MRO: variants seen among roughly 807,000 people sequenced by gnomAD.
The protein encoded by MRO is protein maestro.
A neutral mutation model predicts 31.0 loss-of-function variants in MRO; 28 were observed. The observed-to-expected ratio is 0.90, with a 90% CI of 0.67 to 1.24. MRO has a LOEUF of 1.24. Among genes scored for constraint, MRO ranks in the 50% most tolerant of loss-of-function variants. The pLI is 0.00. For missense variants in MRO, 332 were observed against 289.2 expected, an observed-to-expected ratio of 1.15 and a Z score of -1.07; for synonymous variants, 108 against 108.4, an observed-to-expected ratio of 1.00 and a Z score of 0.02.
chr18:50,802,844 A>C (rs1482700089), intron 5 of MRO, among the ~76,000 whole-genome samples: 1 of 151,816 alleles, frequency 6.6e-6, no homozygotes. Context: ...ACAGGCACAC[A>C]CCACCATGCC....
chr18:50,801,252 G>T, intron 6 of MRO, 97 bp downstream of exon 6: 1 of 1,090,530 alleles, frequency 9.2e-7, no homozygotes, highest in Non-Finnish European at 1.3e-6. Context: ...CTACAGCAGT[G>T]CTGGCAGGAA....
At chr18:50,823,325 C>T (rs55872440), upstream of MRO, among the ~76,000 whole-genome samples, 20,639 of 152,188 alleles carry the variant, frequency 0.14, 1,392 homozygotes, top group Middle Eastern at 0.16. Context: ...GCAATAGATG[C>T]TGCAGGAAGA....
At chr18:50,807,212 ACT>A (rs1261484652) in intron 3 of MRO, among the ~76,000 whole-genome samples, 1 of 151,764 alleles carries the variant, frequency 6.6e-6, no homozygotes, top group African/African-American at 2.4e-5. Context: ...GTGTGCCGTT[ACT>A]CCTCAAAGAG....
At chr18:50,810,901 G>A (rs1914420835) in intron 2 of MRO, among the ~76,000 whole-genome samples, 1 of 152,096 alleles carries the variant, frequency 6.6e-6, no homozygotes. Flanking sequence ...ACAACGTGCA[G>A]GTTTGTTGCA....
rs1442456820 is a variant in MRO at position 50,797,582 on chromosome 18, A to T, written c.*1755T>A. The T allele has an allele frequency of 6.6e-6, 1 of 152,208 alleles. No homozygotes were observed. Among genetic ancestry groups the T allele is most frequent in the East Asian group, 1.9e-4 (1 of 5,198 alleles). The allele number at this position is 152,208 out of a possible 1,614,324, so 9.4% of individuals were successfully genotyped here. A position where few individuals can be genotyped will look rare whatever the true frequency, so the allele number is the denominator to read the frequency against. On this transcript the variant is annotated 3_prime_UTR_variant, in exon 8 of 8. Coordinates refer to ENST00000398439, the MANE Select transcript of MRO (RefSeq NM_031939.6). Reference sequence around the variant, plus strand: ...TAACCGACAGAGGGACATTAACTGCATAGGTTTTTCTACTCCAGAGCACGT... The same window carrying T: ...TAACCGACAGAGGGACATTAACTGCTTAGGTTTTTCTACTCCAGAGCACGT...
intron 7 of MRO, 129 bp from the exon 8 acceptor site, chr18:50,799,519 C>T (rs1030283425): frequency 9.4e-5 from 74 of 783,462 alleles, no homozygotes; most frequent in Middle Eastern, 9.2e-4. Flanking sequence ...CATCTGTATC[C>T]AGCTAGTGAC....
chr18:50,807,801 A>G (rs1302592709), intron 3 of MRO, among the ~76,000 whole-genome samples: 1 of 152,234 alleles, frequency 6.6e-6, no homozygotes, highest in African/African-American at 2.4e-5. Context: ...TACTTTAAGA[A>G]CTAAACTCTA....
intron 3 of MRO, among the ~76,000 whole-genome samples, chr18:50,808,134 C>T (rs1914119721): frequency 6.6e-6 from 1 of 152,154 alleles, no homozygotes. Context: ...TAAGTAATTG[C>T]AGGGCCAGGG....
chr18:50,811,702 G>C (rs1420510996), intron 2 of MRO, among the ~76,000 whole-genome samples: 2 of 149,894 alleles, frequency 1.3e-5, no homozygotes, highest in Non-Finnish European at 3.0e-5. Context: ...TCATTTATTT[G>C]GGGCATATAC....
At position 50,819,923 on chromosome 18, in the gene MRO, T is replaced by C; in HGVS notation, c.-153A>G. ...TTTGCTTCCCCACGCCATGCTGAGG[T>C]GTTTTTCCTTCTCCTTGCTGTGATT... is the stretch of plus-strand genomic sequence containing the variant. On this transcript the variant is annotated 5_prime_UTR_variant, in exon 1 of 8. Coordinates refer to ENST00000398439, the MANE Select transcript of MRO (RefSeq NM_031939.6). 6.4e-7 allele frequency: 1 copy of C among 1,551,644 alleles called. No homozygotes were observed. The highest frequency in any genetic ancestry group is 2.4e-5 in the East Asian group (1 of 40,922).
At chr18:50,810,265 A>T (rs1037229774) in intron 2 of MRO, among the ~76,000 whole-genome samples, 2 of 152,262 alleles carry the variant, frequency 1.3e-5, no homozygotes, top group Non-Finnish European at 2.9e-5. Context: ...GAACATAAAT[A>T]AATTACATAT....
chr18:50,821,252 G>A (rs1915291031), upstream of MRO, among the ~76,000 whole-genome samples: 1 of 152,194 alleles, frequency 6.6e-6, no homozygotes, highest in Non-Finnish European at 1.5e-5. Context: ...GGAAGAGGTG[G>A]AGGGGGCATC....
intron 5 of MRO, among the ~76,000 whole-genome samples, chr18:50,802,368 G>A (rs569452410): frequency 5.9e-5 from 9 of 152,128 alleles, no homozygotes; most frequent in Non-Finnish European, 1.2e-4. Context: ...TCTTTCCAAG[G>A]TGAGCTGTTT....
In MRO at chr18:50,809,124, G is replaced by A. The variant is rs527682542; in HGVS notation, c.99+178C>T. Among the ~76,000 whole-genome samples the A allele has an allele frequency of 5.6e-5, 7 of 125,202 alleles. No individual in the cohort carries two copies. The South Asian group carries it at 8.0e-4, about 14-fold the overall frequency. The allele number at this position is 125,202 out of a possible 152,430, so 82.1% of individuals were successfully genotyped here. ...CTGCAGTCCGCAGTCCAGCCTGGGC[G>A]ACAGAGCGAGACTCCGTCTCAAAAA... On this transcript the variant is annotated intron_variant, in intron 3 of 7. Transcript: ENST00000398439.
intron 5 of MRO, 62 bp from the exon 6 acceptor site, chr18:50,801,566 TGAACACATCACAGCCATCGGTCA>T (rs1568125238): frequency 2.0e-6 from 3 of 1,475,334 alleles, no homozygotes; most frequent in Middle Eastern, 2.2e-4. Context: ...CAACTGCATC[TGAACACATCACAGCCATCGGTCA>T]GAACACATCA....
At chr18:50,822,330 T>A (rs1474364227), upstream of MRO, among the ~76,000 whole-genome samples, 1 of 68,092 alleles carries the variant, frequency 1.5e-5, no homozygotes, top group South Asian at 4.0e-4. Context: ...GAAATTTATC[T>A]TTTTTAGTTT....
chr18:50,817,959 T>C (rs1230949032), intron 2 of MRO, among the ~76,000 whole-genome samples: 1 of 151,976 alleles, frequency 6.6e-6, no homozygotes, highest in African/African-American at 2.4e-5. Flanking sequence ...TGGAGCCTTG[T>C]GTTTCTTGTA....
chr18:50,816,205 G>A (rs1914906195), intron 2 of MRO: 1 of 152,672 alleles, frequency 6.5e-6, no homozygotes. Flanking sequence ...AAAAGTTACT[G>A]CAGCTTAAAC....
At chr18:50,809,198 G>C in intron 3 of MRO, 104 bp downstream of exon 3, 1 of 518,826 alleles carries the variant, frequency 1.9e-6, no homozygotes, top group Non-Finnish European at 3.3e-6. Flanking sequence ...TTTTCAGAAG[G>C]AACTTCAGTG....
Sources: allele counts gnomAD v4.1 joint callset (sites outside exome capture counted in the v4.1 genomes callset), GRCh38; gene constraint gnomAD v4.1.1; transcripts MANE v1.5; gene names NCBI Gene and HGNC (gene_info 2026-07-23, HGNC 2026-07-21).